The following KCNIP4 variants were observed in gnomAD, a reference collection of about 807,000 sequenced individuals.
The protein encoded by KCNIP4 is potassium voltage-gated channel interacting protein 4.
In KCNIP4, 12 loss-of-function variants were observed where a neutral mutation model predicts 34.0. The observed-to-expected ratio is 0.35, with a 90% confidence interval of 0.23 to 0.57. KCNIP4 has a LOEUF of 0.57. Among genes scored for constraint, KCNIP4 ranks in the 20% least tolerant of loss-of-function variants. The pLI is 0.83. For missense variants in KCNIP4, 238 were observed against 311.7 expected (o/e 0.76, Z 1.78); for synonymous variants, 124 against 102.2 (o/e 1.21, Z -1.29).
intron 1 of KCNIP4, among the ~76,000 whole-genome samples, chr4:21,123,932 A>G (rs943006523): frequency 3.9e-5 from 6 of 152,192 alleles, no homozygotes; most frequent in African/African-American, 9.6e-5. Flanking sequence ...TCCAGCTTCC[A>G]GAACTGTGAG....
intron 1 of KCNIP4, among the ~76,000 whole-genome samples, chr4:21,944,814 A>G (rs946576031): frequency 6.6e-6 from 1 of 151,718 alleles, no homozygotes; most frequent in African/African-American, 2.4e-5. Context: ...ACGAATTGAG[A>G]AAAGTCCCTC....
chr4:21,876,241 C>G (rs1037499533), intron 1 of KCNIP4, among the ~76,000 whole-genome samples: 2 of 152,086 alleles, frequency 1.3e-5, no homozygotes, highest in Non-Finnish European at 2.9e-5. Flanking sequence ...ATATCTGTAA[C>G]AACTGCAATG....
intron 1 of KCNIP4, among the ~76,000 whole-genome samples, chr4:21,215,687 T>C (rs1368580853): frequency 6.6e-6 from 1 of 152,142 alleles, no homozygotes; most frequent in Non-Finnish European, 1.5e-5. Flanking sequence ...GGAAAAGGGA[T>C]AAAAATCAGA....
chr4:21,452,040 C>G (rs759461963), intron 1 of KCNIP4, among the ~76,000 whole-genome samples: 2 of 151,886 alleles, frequency 1.3e-5, no homozygotes, highest in African/African-American at 2.4e-5. Flanking sequence ...CTGTTTCTTC[C>G]CCCCCAACTC....
At chr4:20,781,326 T>C (rs964933972) in intron 3 of KCNIP4, among the ~76,000 whole-genome samples, 1 of 152,248 alleles carries the variant, frequency 6.6e-6, no homozygotes, top group African/African-American at 2.4e-5. Context: ...GTAAGCCAGG[T>C]ACAAATAAAT....
intron 1 of KCNIP4, among the ~76,000 whole-genome samples, chr4:21,330,042 T>C (rs1258258398): frequency 3.3e-5 from 5 of 152,196 alleles, no homozygotes; most frequent in South Asian, 2.1e-4. Flanking sequence ...TCAGACTTCA[T>C]AAGCAAAAGC....
chr4:20,782,113 CATCCAGGT>C (rs1202541216), intron 3 of KCNIP4, among the ~76,000 whole-genome samples: 1 of 152,208 alleles, frequency 6.6e-6, no homozygotes, highest in African/African-American at 2.4e-5. Flanking sequence ...CCAGGTGTCA[CATCCAGGT>C]CATGCTGATG....
chr4:21,404,915 T>G (rs1295930749), intron 1 of KCNIP4, among the ~76,000 whole-genome samples: 1 of 152,210 alleles, frequency 6.6e-6, no homozygotes, highest in Non-Finnish European at 1.5e-5. Flanking sequence ...ATTCTTTGCT[T>G]GACCAAACTT....
chr4:21,666,587 T>C (rs1748977335), intron 1 of KCNIP4, among the ~76,000 whole-genome samples: 1 of 152,240 alleles, frequency 6.6e-6, no homozygotes, highest in Non-Finnish European at 1.5e-5. Flanking sequence ...TTCTGGTCTC[T>C]ACTGATTTGA....
chr4:21,522,321 C>T (rs1735600064), intron 1 of KCNIP4, among the ~76,000 whole-genome samples: 1 of 151,956 alleles, frequency 6.6e-6, no homozygotes, highest in South Asian at 2.1e-4. Context: ...ATGTTTTAGG[C>T]AAATATGTGT....
intron 1 of KCNIP4, among the ~76,000 whole-genome samples, chr4:21,538,991 C>T (rs896076741): frequency 7.9e-5 from 12 of 152,090 alleles, no homozygotes; most frequent in Admixed American, 2.6e-4. Flanking sequence ...GTTCTCCTGA[C>T]GGTGAATGAC....
At chr4:21,294,304 A>G (rs561564404) in intron 1 of KCNIP4, among the ~76,000 whole-genome samples, 23 of 152,200 alleles carry the variant, frequency 1.5e-4, no homozygotes, top group African/African-American at 5.3e-4. Context: ...TCTTCCCATT[A>G]TGTACCTTCA....
rs10516370 is a variant in KCNIP4 at position 20,901,286 on chromosome 4, T to A, written c.62-18577A>T. 8.1e-3 allele frequency among the ~76,000 whole-genome samples: 1,228 copies of A among 152,332 alleles called. 19 individuals carry two copies. The highest frequency in any genetic ancestry group is 0.028 in the African/African-American group (1,157 of 41,580). ...CTCCTTTCTTCAGTTCTTCCCATACTGGGTTTCTCTTTTTCTTTATGTCCT... is the reference window on the plus strand; with the variant it reads ...CTCCTTTCTTCAGTTCTTCCCATACAGGGTTTCTCTTTTTCTTTATGTCCT... On this transcript the variant is annotated intron_variant, in intron 1 of 8. Coordinates refer to ENST00000382152, the MANE Select transcript of KCNIP4 (RefSeq NM_025221.6).
intron 1 of KCNIP4, among the ~76,000 whole-genome samples, chr4:20,921,966 A>G (rs1273476080): frequency 6.6e-6 from 1 of 152,274 alleles, no homozygotes; most frequent in Admixed American, 6.5e-5. Flanking sequence ...TTTTATCTCA[A>G]TTAAAAATAT....
chr4:21,342,469 G>A (rs531308261), intron 1 of KCNIP4, among the ~76,000 whole-genome samples: 6 of 152,202 alleles, frequency 3.9e-5, no homozygotes, highest in Non-Finnish European at 8.8e-5. Context: ...AGAGGAAATT[G>A]AAAGCTTAAA....
At chr4:20,926,213 T>C (rs1249355037) in intron 1 of KCNIP4, among the ~76,000 whole-genome samples, 7 of 152,210 alleles carry the variant, frequency 4.6e-5, no homozygotes, top group Non-Finnish European at 1.0e-4. Flanking sequence ...TCAGGCCTGC[T>C]CTGTTAAGGC....
intron 1 of KCNIP4, among the ~76,000 whole-genome samples, chr4:21,500,689 A>G (rs900004179): frequency 2.6e-5 from 4 of 152,162 alleles, no homozygotes; most frequent in South Asian, 2.1e-4. Flanking sequence ...ACTCAACAGT[A>G]AAAGTACTGT....
intron 1 of KCNIP4, among the ~76,000 whole-genome samples, chr4:21,039,246 C>A (rs578205721): frequency 2.6e-5 from 4 of 151,946 alleles, no homozygotes; most frequent in Non-Finnish European, 5.9e-5. Context: ...CCTGTAATCC[C>A]AGCTACTCAG....
At chr4:20,799,324 T>C (rs1713907946) in intron 3 of KCNIP4, among the ~76,000 whole-genome samples, 1 of 152,146 alleles carries the variant, frequency 6.6e-6, no homozygotes, top group African/African-American at 2.4e-5. Flanking sequence ...CTCTAATAAC[T>C]CTGGCATACC....
Sources: allele counts gnomAD v4.1 joint callset (sites outside exome capture counted in the v4.1 genomes callset), GRCh38; gene constraint gnomAD v4.1.1; transcripts MANE v1.5; gene names NCBI Gene and HGNC (gene_info 2026-07-23, HGNC 2026-07-21).